PPP2R3A: variants seen among roughly 807,000 people sequenced by gnomAD.
PPP2R3A encodes serine/threonine-protein phosphatase 2A regulatory subunit B'' subunit alpha.
A neutral mutation model predicts 106.9 loss-of-function variants in PPP2R3A; 80 were observed. The observed-to-expected ratio is 0.75, with a 90% CI of 0.62 to 0.90. PPP2R3A has a LOEUF of 0.90. PPP2R3A is among the 40% of genes least tolerant of loss of function. The probability of loss-of-function intolerance (pLI) is 0.00; values close to 1 mark genes in which losing one functional copy is unlikely to be tolerated. For missense variants in PPP2R3A, 1,386 were observed against 1,350.4 expected (o/e 1.03, Z -0.41); for synonymous variants, 483 against 468.3 (o/e 1.03, Z -0.41).
At chr3:136,120,788 A>G (rs1436834574) in intron 13 of PPP2R3A, among the ~76,000 whole-genome samples, 2 of 152,180 alleles carry the variant, frequency 1.3e-5, no homozygotes, top group Non-Finnish European at 2.9e-5. Context: ...ACACTTCTCA[A>G]AAGTGAGACA....
Position 136,001,923 on chromosome 3 carries a change from A to G in PPP2R3A, c.425A>G (p.Lys142Arg). Residue 142 changes from lysine (K) to arginine (R), a missense_variant, in exon 2 of 14, where the codon AAG (lysine) becomes AGG (arginine). By Grantham distance (26) the Lys-to-Arg change is conservative. Coordinates refer to ENST00000264977, the MANE Select transcript of PPP2R3A (RefSeq NM_002718.5). ...LKNSNHAAYR[K>R]GRKVKSDSFN... ...AACTCTAACCATGCAGCTTACAGAA[A>G]GGGAAGGAAAGTTAAGTCTGACTCA... 1.9e-6 allele frequency: 3 copies of G among 1,614,174 alleles called. No homozygotes were observed. Among genetic ancestry groups the G allele is most frequent in the Non-Finnish European group, 2.5e-6 (3 of 1,180,024 alleles).
chr3:136,119,119 A>C (rs925037031), intron 13 of PPP2R3A, among the ~76,000 whole-genome samples: 1 of 152,148 alleles, frequency 6.6e-6, no homozygotes, highest in Non-Finnish European at 1.5e-5. Context: ...AAGCAATGGG[A>C]AAAGGATTCC....
intron 13 of PPP2R3A, among the ~76,000 whole-genome samples, chr3:136,135,546 G>A (rs1204136895): frequency 6.6e-6 from 1 of 152,134 alleles, no homozygotes; most frequent in Non-Finnish European, 1.5e-5. Flanking sequence ...AGGAATGTTA[G>A]TACCACAGAA....
chr3:136,055,790 C>T lies in PPP2R3A; in HGVS notation c.2469+6429C>T, dbSNP rs897292990. 5.2e-6 allele frequency: 3 copies of T among 581,972 alleles called. No homozygotes were observed. The African/African-American group carries it at 5.6e-5, about 11-fold the overall frequency. The allele number at this position is 581,972 out of a possible 1,614,324, so 36.1% of individuals were successfully genotyped here. On this transcript the variant is annotated intron_variant, in intron 5 of 13. Transcript: ENST00000264977. ...ATTTTTTAAAAACAAATTGCACATACTGATATAAATAAATGATTGGGGAGA... is the reference window on the plus strand; with the variant it reads ...ATTTTTTAAAAACAAATTGCACATATTGATATAAATAAATGATTGGGGAGA...
intron 9 of PPP2R3A, among the ~76,000 whole-genome samples, chr3:136,089,509 G>A (rs150651899): frequency 6.6e-6 from 1 of 151,842 alleles, no homozygotes; most frequent in East Asian, 1.9e-4. Flanking sequence ...TTGAAGTCAG[G>A]TACTATGATA....
chr3:135,988,658 A>G (rs908252766), intron 1 of PPP2R3A, among the ~76,000 whole-genome samples: 1 of 152,050 alleles, frequency 6.6e-6, no homozygotes, highest in African/African-American at 2.4e-5. Context: ...GAACCTTTAT[A>G]TCTGGTGTTC....
intron 13 of PPP2R3A, among the ~76,000 whole-genome samples, chr3:136,116,955 G>T (rs906726323): frequency 6.6e-6 from 1 of 152,070 alleles, no homozygotes; most frequent in Non-Finnish European, 1.5e-5. Context: ...ACACCACATC[G>T]CACTTATTCT....
intron 1 of PPP2R3A, among the ~76,000 whole-genome samples, chr3:135,997,216 C>T (rs541676795): frequency 1.3e-5 from 2 of 152,060 alleles, no homozygotes; most frequent in Non-Finnish European, 2.9e-5. Flanking sequence ...TTTTTGACAC[C>T]AAGTCCCTGA....
chr3:136,056,873 C>T (rs1014095332), intron 5 of PPP2R3A, among the ~76,000 whole-genome samples: 7 of 152,020 alleles, frequency 4.6e-5, no homozygotes, highest in African/African-American at 1.7e-4. Context: ...CTCAAAACAA[C>T]TCAATAGCAA....
intron 5 of PPP2R3A, among the ~76,000 whole-genome samples, chr3:136,058,224 A>G (rs1452012539): frequency 6.6e-6 from 1 of 152,202 alleles, no homozygotes; most frequent in Admixed American, 6.5e-5. Context: ...TCAGGAAGTC[A>G]CACTATCCCT....
At chr3:136,045,230 C>T (rs1935431693) in intron 4 of PPP2R3A, among the ~76,000 whole-genome samples, 1 of 152,176 alleles carries the variant, frequency 6.6e-6, no homozygotes, top group Non-Finnish European at 1.5e-5. Flanking sequence ...GCCAGTGGCC[C>T]CCAGTGGAGC....
At chr3:136,054,517 A>G (rs927371330) in intron 5 of PPP2R3A, among the ~76,000 whole-genome samples, 1 of 152,160 alleles carries the variant, frequency 6.6e-6, no homozygotes, top group African/African-American at 2.4e-5. Context: ...TCGGCCTCCC[A>G]AAGTGCTGAG....
intron 13 of PPP2R3A, among the ~76,000 whole-genome samples, chr3:136,110,878 G>T (rs1453958663): frequency 6.6e-6 from 1 of 152,074 alleles, no homozygotes; most frequent in Non-Finnish European, 1.5e-5. Flanking sequence ...CGAAAGATAG[G>T]AAAGGTCTGA....
chr3:135,970,042 A>C (rs778647836), intron 1 of PPP2R3A, among the ~76,000 whole-genome samples: 1 of 152,216 alleles, frequency 6.6e-6, no homozygotes, highest in Non-Finnish European at 1.5e-5. Context: ...GCACATTGGA[A>C]TCACTGAATG....
intron 1 of PPP2R3A, among the ~76,000 whole-genome samples, chr3:135,992,940 A>G (rs1933235976): frequency 6.6e-6 from 1 of 152,206 alleles, no homozygotes; most frequent in Non-Finnish European, 1.5e-5. Flanking sequence ...GTGGAGAACC[A>G]GCCAAATATG....
At chr3:135,988,535 T>C (rs1559853650) in intron 1 of PPP2R3A, among the ~76,000 whole-genome samples, 1 of 152,144 alleles carries the variant, frequency 6.6e-6, no homozygotes, top group Non-Finnish European at 1.5e-5. Flanking sequence ...GGTCATGTCA[T>C]TTCTCTGCTT....
rs568313944 is a variant in PPP2R3A, at chr3:136,019,510, A to G, written c.1996-7322A>G. On this transcript the variant is annotated intron_variant, in intron 2 of 13. Coordinates refer to ENST00000264977, the MANE Select transcript of PPP2R3A (RefSeq NM_002718.5). The stretch of plus-strand genomic sequence containing the variant: ...GAAGAGAGTAGATCACAGATCATAT[A>G]TTTCTCTGTAGTGAAATTCCCCTAT... Among the ~76,000 whole-genome samples the G allele has an allele frequency of 1.2e-4, 18 of 152,250 alleles. 1 individual carries two copies. The South Asian group carries it at 3.3e-3, about 28-fold the overall frequency.
chr3:136,131,026 T>TA (rs1306913412), intron 13 of PPP2R3A, among the ~76,000 whole-genome samples: 1 of 152,204 alleles, frequency 6.6e-6, no homozygotes, highest in Non-Finnish European at 1.5e-5. Flanking sequence ...ATTAAAGACT[T>TA]AATTAAGTTA....
intron 1 of PPP2R3A, among the ~76,000 whole-genome samples, chr3:135,994,465 C>G (rs1262714961): frequency 3.3e-5 from 5 of 152,164 alleles, no homozygotes; most frequent in Admixed American, 6.5e-5. Flanking sequence ...TACAGACTTT[C>G]AAACAGTCCC....
Sources: gnomAD v4.1 joint callset for allele counts (sites outside exome capture counted in the v4.1 genomes callset) on GRCh38, gnomAD v4.1.1 for gene constraint, MANE v1.5 for transcripts, NCBI Gene and HGNC (gene_info 2026-07-23, HGNC 2026-07-21) for gene names.